ZNF385D: variants seen among roughly 807,000 people sequenced by gnomAD.
ZNF385D encodes zinc finger protein 385D, also known as zinc finger protein 659.
A neutral mutation model predicts 35.8 loss-of-function variants in ZNF385D; 15 were observed. The ratio of observed to expected loss-of-function variants is 0.42; its 90% CI spans 0.28 to 0.64. The LOEUF (loss-of-function observed/expected upper bound fraction) is 0.64. Among genes scored for constraint, ZNF385D ranks in the 30% least tolerant of loss-of-function variants. The probability of loss-of-function intolerance (pLI) is 0.23; values close to 1 mark genes in which losing one functional copy is unlikely to be tolerated. For missense variants in ZNF385D, 474 were observed against 494.6 expected (o/e 0.96, Z 0.39); for synonymous variants, 212 against 186.8 (o/e 1.13, Z -1.10).
intron 3 of ZNF385D, among the ~76,000 whole-genome samples, chr3:21,819,710 GTATA>G (rs1310149870): frequency 1.4e-5 from 2 of 140,598 alleles, no homozygotes; most frequent in African/African-American, 2.6e-5. Flanking sequence ...ATATATACAC[GTATA>G]TATATACACA....
At chr3:21,885,821 C>T (rs922827178) in intron 3 of ZNF385D, among the ~76,000 whole-genome samples, 5 of 151,110 alleles carry the variant, frequency 3.3e-5, no homozygotes, top group African/African-American at 1.2e-4. Flanking sequence ...TTGGCTCACA[C>T]AACTGTGAAG....
intron 3 of ZNF385D, among the ~76,000 whole-genome samples, chr3:21,886,655 G>C (rs1303777848): frequency 6.6e-6 from 1 of 152,258 alleles, no homozygotes; most frequent in Non-Finnish European, 1.5e-5. Context: ...GAGTGCATCT[G>C]TAGAAAGAAA....
At chr3:21,878,151 G>T (rs1698080697) in intron 3 of ZNF385D, 1 of 151,968 alleles carries the variant, frequency 6.6e-6, no homozygotes, top group Middle Eastern at 3.4e-3. Context: ...AATCCTCTAG[G>T]CAACTTCCTG....
intron 1 of ZNF385D, among the ~76,000 whole-genome samples, chr3:21,676,043 G>A (rs1236860163): frequency 6.6e-6 from 1 of 152,026 alleles, no homozygotes; most frequent in African/African-American, 2.4e-5. Flanking sequence ...TAAAGACCAT[G>A]GCACAAAATT....
intron 2 of ZNF385D, among the ~76,000 whole-genome samples, chr3:21,641,849 T>C (rs2065615630): frequency 1.3e-5 from 2 of 151,948 alleles, no homozygotes; most frequent in African/African-American, 4.8e-5. Flanking sequence ...TCATTTCTTT[T>C]CTAACTAAGG....
chr3:22,305,486 A>G (rs1474994802), intron 2 of ZNF385D, among the ~76,000 whole-genome samples: 1 of 152,190 alleles, frequency 6.6e-6, no homozygotes, highest in Non-Finnish European at 1.5e-5. Flanking sequence ...ACTCATGTTC[A>G]CATTACAGTC....
At chr3:21,458,110 G>A (rs370212641) in intron 4 of ZNF385D, among the ~76,000 whole-genome samples, 3 of 152,070 alleles carry the variant, frequency 2.0e-5, no homozygotes, top group South Asian at 4.1e-4. Flanking sequence ...AAAGACTGTA[G>A]AAGAATTTAA....
intron 3 of ZNF385D, among the ~76,000 whole-genome samples, chr3:21,976,490 T>C (rs773395800): frequency 5.5e-4 from 84 of 152,032 alleles, no homozygotes; most frequent in Non-Finnish European, 1.0e-3. Flanking sequence ...AGATAAATGA[T>C]CTGGAAGATA....
intron 4 of ZNF385D, chr3:21,443,340 T>C (rs931932235): frequency 1.1e-5 from 11 of 985,280 alleles, no homozygotes; most frequent in Non-Finnish European, 1.3e-5. Context: ...AGTGTGGAGT[T>C]GCTAGGCGAA....
At chr3:21,608,977 T>G (rs1246844535) in intron 2 of ZNF385D, among the ~76,000 whole-genome samples, 3 of 152,138 alleles carry the variant, frequency 2.0e-5, no homozygotes, top group Admixed American at 1.3e-4. Flanking sequence ...CAGAGAATCT[T>G]GAGATGTAAT....
At chr3:22,270,395 T>C (rs1701112329) in intron 2 of ZNF385D, among the ~76,000 whole-genome samples, 1 of 152,156 alleles carries the variant, frequency 6.6e-6, no homozygotes, top group South Asian at 2.1e-4. Flanking sequence ...GCCTGTCTGT[T>C]TTACTCCTCC....
chr3:22,111,455 G>A (rs1318883383), intron 3 of ZNF385D, among the ~76,000 whole-genome samples: 1 of 152,032 alleles, frequency 6.6e-6, no homozygotes, highest in Non-Finnish European at 1.5e-5. Flanking sequence ...GCAAACTACT[G>A]GGGTACGCAC....
chr3:21,500,330 G>A (rs1346608756), intron 4 of ZNF385D, among the ~76,000 whole-genome samples: 1 of 152,092 alleles, frequency 6.6e-6, no homozygotes, highest in Non-Finnish European at 1.5e-5. Flanking sequence ...TATTTGCTAG[G>A]TTTAATGTAA....
intron 3 of ZNF385D, among the ~76,000 whole-genome samples, chr3:21,775,940 C>T (rs1199744975): frequency 3.3e-5 from 5 of 151,682 alleles, no homozygotes; most frequent in African/African-American, 1.2e-4. Context: ...TAATTCCTTA[C>T]ACAAATACTG....
chr3:21,695,217 C>G (rs1362187861), intron 1 of ZNF385D, among the ~76,000 whole-genome samples: 3 of 152,196 alleles, frequency 2.0e-5, no homozygotes, highest in East Asian at 1.9e-4. Context: ...AAGGACATCA[C>G]AAGAAGGGCA....
intron 3 of ZNF385D, among the ~76,000 whole-genome samples, chr3:22,024,543 T>C (rs1240797667): frequency 6.6e-6 from 1 of 152,116 alleles, no homozygotes; most frequent in Non-Finnish European, 1.5e-5. Context: ...ATAGTTATAA[T>C]ATTAATAGTA....
chr3:21,640,944 C>T (rs1171036653), intron 2 of ZNF385D, among the ~76,000 whole-genome samples: 1 of 151,992 alleles, frequency 6.6e-6, no homozygotes, highest in African/African-American at 2.4e-5. Flanking sequence ...ACAGCTTTGC[C>T]TACTCAGAGG....
At position 21,487,033 on chromosome 3, in the gene ZNF385D, G is replaced by A. The variant is rs180828529; in HGVS notation, c.439+23828C>T. ...AATGTAATGCAGGGTCCCACATGTG[G>A]TATCAAAAGCAAGTTCTTATTTATA... On this transcript the variant is annotated intron_variant, in intron 4 of 7. Transcript: ENST00000281523. 8.4e-4 allele frequency among the ~76,000 whole-genome samples: 128 copies of A among 152,182 alleles called. 1 individual carries two copies. Among genetic ancestry groups the A allele is most frequent in the South Asian group, 1.9e-3 (9 of 4,828 alleles).
rs2071900987 is a variant in ZNF385D, at chr3:21,790,907, T to G, written c.326-125879A>C. 2.6e-5 allele frequency among the ~76,000 whole-genome samples: 4 copies of G among 152,330 alleles called. No individual in the cohort carries two copies. The South Asian group carries it at 8.3e-4, about 32-fold the overall frequency. On this transcript the variant is annotated intron_variant, in intron 3 of 5. Transcript: ENST00000494108. Reference sequence around the variant, plus strand: ...TTTGCTTGTCCTTTAGGACTATTTATTTTCTCTTCCTGCTTCCTAAGTTGT... The same window carrying G: ...TTTGCTTGTCCTTTAGGACTATTTAGTTTCTCTTCCTGCTTCCTAAGTTGT...
Sources: allele counts gnomAD v4.1 joint callset (sites outside exome capture counted in the v4.1 genomes callset), GRCh38; gene constraint gnomAD v4.1.1; transcripts MANE v1.5; gene names NCBI Gene and HGNC (gene_info 2026-07-23, HGNC 2026-07-21).